ULK1: variants seen among roughly 807,000 people sequenced by gnomAD.
ULK1 encodes the protein unc-51 like autophagy activating kinase 1.
A neutral mutation model predicts 117.5 loss-of-function variants in ULK1; 48 were observed. The observed-to-expected ratio is 0.41, with a 90% CI of 0.32 to 0.52. ULK1 has a LOEUF of 0.52. Ranked by LOEUF, ULK1 falls within the 20% of genes least tolerant of loss-of-function variation. The pLI, the probability that ULK1 is intolerant of heterozygous loss-of-function variation, is 0.29. For missense variants in ULK1, 1,387 were observed against 1,473.4 expected (o/e 0.94, Z 0.96); for synonymous variants, 790 against 637.8 (o/e 1.24, Z -3.60).
At position 131,917,510 on chromosome 12, in the gene ULK1, G is replaced by A. The variant is rs1279130564; in HGVS notation, c.2282G>A (p.Ser761Asn). Reference sequence around the variant, plus strand: ...GTCTTCACCGTGGGCTCTCCCCCGAGCGGGAGCACGCCCCCCCAGGGCCCC... The same window carrying A: ...GTCTTCACCGTGGGCTCTCCCCCGAACGGGAGCACGCCCCCCCAGGGCCCC... ...PVVFTVGSPPSGSTPPQGPRT... is the reference protein window; with the variant it reads ...PVVFTVGSPPNGSTPPQGPRT... The change falls in exon 22 of 28, where the codon AGC becomes AAC. Residue 761 changes from serine to asparagine, a missense_variant. Ser to Asn is a conservative substitution (Grantham distance 46). Coordinates refer to ENST00000321867, the MANE Select transcript of ULK1 (RefSeq NM_003565.4). 6.8e-7 allele frequency: 1 copy of A among 1,470,090 alleles called. No homozygotes were observed. Among genetic ancestry groups the A allele is most frequent in the Non-Finnish European group, 9.0e-7 (1 of 1,108,522 alleles). 91.1% of individuals were successfully genotyped at this position (1,470,090 alleles called of 1,614,324 possible).
At chr12:131,907,681 T>C (rs1889331169) in intron 5 of ULK1, 150 bp downstream of exon 5, 4 of 1,003,460 alleles carry the variant, frequency 4.0e-6, no homozygotes, top group East Asian at 5.5e-5. Flanking sequence ...CTGGGCCTCT[T>C]GAGGGGATGC....
chr12:131,907,642 C>T lies in ULK1; in HGVS notation c.316+111C>T, dbSNP rs975734809. 6.0e-6 allele frequency: 8 copies of T among 1,332,038 alleles called. No individual in the cohort carries two copies. In the South Asian group the frequency reaches 6.9e-5, roughly 12 times the overall value. The allele number at this position is 1,332,038 out of a possible 1,614,324, so 82.5% of individuals were successfully genotyped here. ...GCCTGGCTCGAGTGGGTCCTTGGCTCATTGTGAGATTGGCTCTTTCTTGTC... is the reference window on the plus strand; with the variant it reads ...GCCTGGCTCGAGTGGGTCCTTGGCTTATTGTGAGATTGGCTCTTTCTTGTC... On this transcript the variant is annotated intron_variant, in intron 5 of 27. Coordinates refer to ENST00000321867, the MANE Select transcript of ULK1 (RefSeq NM_003565.4).
In ULK1 at chr12:131,917,524, C is replaced by T. The variant is rs1889913946; in HGVS notation, c.2296C>T (p.Pro766Ser). ...CTCTCCCCCGAGCGGGAGCACGCCC[C>T]CCCAGGGCCCCCGCACCAGGATGTT... is the stretch of plus-strand genomic sequence containing the variant. ...VGSPPSGSTPPQGPRTRMFSA... is the reference protein window; with the variant it reads ...VGSPPSGSTPSQGPRTRMFSA... Residue 766 changes from proline (P) to serine (S), a missense_variant, in exon 22 of 28, where the codon CCC (proline) becomes TCC (serine). Transcript: ENST00000321867. 2.8e-6 allele frequency: 4 copies of T among 1,449,470 alleles called. No individual in the cohort carries two copies. The highest frequency in any genetic ancestry group is 3.6e-6 in the Non-Finnish European group (4 of 1,097,238). 89.8% of individuals were successfully genotyped at this position (1,449,470 alleles called of 1,614,324 possible). A position where few individuals can be genotyped will look rare whatever the true frequency, so the allele number is the denominator to read the frequency against.
rs1225766871 is a variant in ULK1, at chr12:131,921,763, G to A, written c.*402G>A. On this transcript the variant is annotated 3_prime_UTR_variant, in exon 28 of 28. Transcript: ENST00000321867. ...CAGGCACTGTGCCCAGGAAGAGCCT[G>A]CGGCCTCGGCGTCCCCCAGTCTCCA... 1 of 526,696 alleles carries A rather than the reference G, an allele frequency of 1.9e-6. No homozygotes were observed. The allele number at this position is 526,696 out of a possible 1,614,324, so 32.6% of individuals were successfully genotyped here.
At chr12:131,909,048 G>C in intron 7 of ULK1, 77 bp downstream of exon 7, 1 of 1,609,752 alleles carries the variant, frequency 6.2e-7, no homozygotes, top group Non-Finnish European at 8.5e-7. Context: ...CGTGTGGTGC[G>C]CTCTGCTCTG....
In ULK1 at chr12:131,912,037, G is replaced by A. The variant is rs758775112; in HGVS notation, c.1044G>A (p.Lys348=). ...LHSSRDSGGS[K]DSSCDTDDFV... is the part of the protein sequence containing the mutation. The stretch of plus-strand genomic sequence containing the variant: ...GCTCCCGGGACTCTGGTGGCAGCAA[G>A]GACTCTTCCTGTGACACAGACGACT... Residue 348 remains lysine, a synonymous_variant, in exon 13 of 28, where the codon AAG becomes AAA. Coordinates refer to ENST00000321867, the MANE Select transcript of ULK1 (RefSeq NM_003565.4). 6 of 1,612,870 alleles carry A rather than the reference G, an allele frequency of 3.7e-6. No individual in the cohort carries two copies. The South Asian group carries it at 6.6e-5, about 18-fold the overall frequency.
rs369443958 is a variant in ULK1 at position 131,920,187 on chromosome 12, C to T, written c.2961+51C>T. The T allele has an allele frequency of 1.6e-3, 2,618 of 1,588,626 alleles. 9 individuals carry two copies. Among genetic ancestry groups the T allele is most frequent in the African/African-American group, 9.6e-3 (716 of 74,558 alleles). On this transcript the variant is annotated intron_variant, in intron 26 of 27. Transcript: ENST00000321867. ...GGCAGGGGCCAGGAACTTCCAGGCC[C>T]GCCGTCTCCACTGGGACGGGACCTT...
At chr12:131,899,513 C>G (rs1042697283) in intron 3 of ULK1, among the ~76,000 whole-genome samples, 8 of 145,510 alleles carry the variant, frequency 5.5e-5, no homozygotes, top group African/African-American at 2.1e-4. Context: ...TTTAAAGAGA[C>G]TGGGTCTCAC....
Position 131,918,526 on chromosome 12 carries a change from G to T in ULK1, c.2356G>T (p.Ala786Ser), listed in dbSNP as rs1356716070. The part of the protein sequence containing the change: ...AGPTGSASSS[A>S]RHLVPGPCSE... The stretch of plus-strand genomic sequence containing the variant: ...CCCCACTGGCTCTGCCAGCTCTTCT[G>T]CCCGCCACCTGGTGCCTGGGCCCTG... The change falls in exon 23 of 28, where the codon GCC becomes TCC. Residue 786 changes from alanine to serine, a missense_variant. Ala to Ser is a moderately conservative substitution (Grantham distance 99, BLOSUM62 1). Transcript: ENST00000321867. 1 of 1,610,686 alleles carries T rather than the reference G, an allele frequency of 6.2e-7. No individual in the cohort carries two copies. The highest frequency in any genetic ancestry group is 1.3e-5 in the African/African-American group (1 of 74,854).
Position 131,908,982 on chromosome 12 carries a change from C to A in ULK1, c.564+11C>A. The A allele has an allele frequency of 6.2e-7, 1 of 1,612,878 alleles. No individual in the cohort carries two copies. Among genetic ancestry groups the A allele is most frequent in the South Asian group, 1.1e-5 (1 of 91,084 alleles). ...TCCCCCATGTACATGGTGTGTTTAC[C>A]TTGGCCGGGCTGTGCCGGGTGGGCG... On this transcript the variant is annotated intron_variant, in intron 7 of 27. Coordinates refer to ENST00000321867, the MANE Select transcript of ULK1 (RefSeq NM_003565.4).
Position 131,921,536 on chromosome 12 carries a change from C to G in ULK1, c.*175C>G. 1.1e-6 allele frequency: 1 copy of G among 904,586 alleles called. No individual in the cohort carries two copies. The allele number at this position is 904,586 out of a possible 1,614,324, so 56.0% of individuals were successfully genotyped here. ...CCTGCAGCTCACGGGGCAGAACCAGCACATCTGGAGCCACACAGCTTGGGG... is the reference window on the plus strand; with the variant it reads ...CCTGCAGCTCACGGGGCAGAACCAGGACATCTGGAGCCACACAGCTTGGGG... On this transcript the variant is annotated 3_prime_UTR_variant, in exon 28 of 28. Coordinates refer to ENST00000321867, the MANE Select transcript of ULK1 (RefSeq NM_003565.4).
At chr12:131,910,575 C>T in intron 11 of ULK1, 137 bp from the exon 12 acceptor site, 2 of 1,543,496 alleles carry the variant, frequency 1.3e-6, no homozygotes, top group Admixed American at 1.7e-5. Context: ...CAGGAGGGAG[C>T]CTCCCTCCTT....
At chr12:131,907,445 G>C in intron 4 of ULK1, 50 bp from the exon 5 acceptor site, 2 of 1,604,110 alleles carry the variant, frequency 1.2e-6, no homozygotes, top group Non-Finnish European at 1.7e-6. Flanking sequence ...AGGGCTGGGA[G>C]GTGGGCCCTG....
chr12:131,895,156 T>G, intron 1 of ULK1, 44 bp downstream of exon 1: 3 of 895,346 alleles, frequency 3.4e-6, no homozygotes, highest in Non-Finnish European at 1.3e-6. Flanking sequence ...CAGGATCCCC[T>G]GCCCCTGCAT....
intron 8 of ULK1, among the ~76,000 whole-genome samples, chr12:131,909,523 C>T (rs28708560): frequency 8.5e-5 from 13 of 152,168 alleles, no homozygotes; most frequent in Non-Finnish European, 1.8e-4. Flanking sequence ...GAGGTGAGGG[C>T]AGCGCCGGGG....
chr12:131,907,338 C>T (rs1889315432), intron 4 of ULK1, among the ~76,000 whole-genome samples, 157 bp from the exon 5 acceptor site: 1 of 152,198 alleles, frequency 6.6e-6, no homozygotes, highest in African/African-American at 2.4e-5. Flanking sequence ...CTATTGATGT[C>T]TTCCAGCAGG....
In ULK1 at chr12:131,909,919, C is replaced by T; in HGVS notation, c.726C>T (p.Thr242=). ...TCACACCAGCCTCCTCTTGCCCCAG[C>T]ATCCCCCGGGAGACCTCGGCCCCGC... ...FYEKNKTLVP[T]IPRETSAPLR... The change falls in exon 10 of 28, where the codon ACC becomes ACT. Residue 242 remains threonine (T), a splice_region_variant and synonymous_variant. Transcript: ENST00000321867. 6.2e-7 allele frequency: 1 copy of T among 1,611,906 alleles called. No homozygotes were observed. Among genetic ancestry groups the T allele is most frequent in the South Asian group, 1.1e-5 (1 of 91,026 alleles).
intron 3 of ULK1, 141 bp from the exon 4 acceptor site, chr12:131,906,751 T>G: frequency 1.0e-6 from 1 of 1,001,868 alleles, no homozygotes; most frequent in Non-Finnish European, 1.5e-6. Context: ...CCCAGAGATG[T>G]CCTCGTCTCC....
rs757530790 is a variant in ULK1, at chr12:131,916,528, T to C, written c.2009T>C (p.Phe670Ser). The C allele has an allele frequency of 6.2e-7, 1 of 1,610,662 alleles. No homozygotes were observed. The highest frequency in any genetic ancestry group is 8.5e-7 in the Non-Finnish European group (1 of 1,179,548). ...CCCGACCTCTCGGAGGTGGGACCCT[T>C]CCATGGTCAGCCGTTGGGCCCTGGC... ...TLPDLSEVGP[F>S]HGQPLGPGLR... is the part of the protein sequence containing the mutation. The change falls in exon 20 of 28, where the codon TTC (phenylalanine) becomes TCC (serine). Residue 670 changes from phenylalanine (F) to serine (S), a missense_variant. Physicochemically the swap from Phe to Ser is radical, Grantham distance 155 (BLOSUM62 -2). Transcript: ENST00000321867.
Sources: gnomAD v4.1 joint callset for allele counts (sites outside exome capture counted in the v4.1 genomes callset) on GRCh38, gnomAD v4.1.1 for gene constraint, MANE v1.5 for transcripts, NCBI Gene and HGNC (gene_info 2026-07-23, HGNC 2026-07-21) for gene names.